DNAH10: variants seen among roughly 807,000 people sequenced by gnomAD.
The protein encoded by DNAH10 is dynein axonemal heavy chain 10, also known as axonemal beta dynein heavy chain 10.
DNAH10 carries 348 observed loss-of-function variants against 506.6 expected under a neutral mutation model. The observed-to-expected ratio is 0.69, with a 90% confidence interval of 0.63 to 0.75. The LOEUF is 0.75. Among genes scored for constraint, DNAH10 ranks in the 30% least tolerant of loss-of-function variants. The pLI is 0.00. For synonymous variants in DNAH10, 2,059 were observed against 2,198.6 expected (o/e 0.94, Z 1.78); for missense variants, 5,179 against 5,787.1 (o/e 0.89, Z 3.41).
At chr12:123,805,177 C>T (rs752612185) in intron 18 of DNAH10, 137 bp downstream of exon 18, 1 of 853,092 alleles carries the variant, frequency 1.2e-6, no homozygotes, top group Non-Finnish European at 1.8e-6. Context: ...CAGAAGGGCA[C>T]TCACAGAATG....
chr12:123,868,075 C>T lies in DNAH10; in HGVS notation c.7475C>T (p.Thr2492Ile). 6.2e-7 allele frequency: 1 copy of T among 1,613,870 alleles called. No individual in the cohort carries two copies. Among genetic ancestry groups the T allele is most frequent in the Non-Finnish European group, 8.5e-7 (1 of 1,179,890 alleles). The change falls in exon 43 of 79, where the codon ACT (threonine) becomes ATT (isoleucine). Residue 2492 changes from threonine to isoleucine, a missense_variant. Thr to Ile is a moderately conservative substitution (Grantham distance 89). Around this residue, in one of 3 missense-constraint regions of DNAH10, gnomAD observed 4,844 missense variants for 5,430.5 expected, o/e 0.89. Transcript: ENST00000673944. ...ATCAAACGCCTTGCTTCTTTGTCTA[C>T]TGTTGACACAGAAGGAGTTTGGGCC... ...EYIKRLASLS[T>I]VDTEGVWANP...
At chr12:123,793,627 T>C (rs934500604) in intron 11 of DNAH10, among the ~76,000 whole-genome samples, 4 of 152,332 alleles carry the variant, frequency 2.6e-5, no homozygotes, top group African/African-American at 7.2e-5. Context: ...TGTGAGGCAC[T>C]GCGCCTGGCC....
intron 1 of DNAH10, among the ~76,000 whole-genome samples, chr12:123,763,876 T>C (rs1200008975): frequency 6.6e-6 from 1 of 150,612 alleles, no homozygotes; most frequent in Non-Finnish European, 1.5e-5. Context: ...CTTCTTTTTT[T>C]TTTTTTTGAG....
Position 123,877,900 on chromosome 12 carries a change from C to T in DNAH10, c.8364C>T (p.Asn2788=), listed in dbSNP as rs749545813. ...TTTTTAATGGTCTTGTCCTCACTAA[C>T]CCGGAGCGGTGAGTTTGATTTATCT... The part of the protein sequence containing the change: ...SRVFNGLVLT[N]PERFQTVAQM... The change falls in exon 48 of 79, where the codon AAC becomes AAT. Residue 2788 remains asparagine, a synonymous_variant. Transcript: ENST00000673944. The T allele has an allele frequency of 6.2e-7, 1 of 1,613,372 alleles. No homozygotes were observed. The highest frequency in any genetic ancestry group is 1.1e-5 in the South Asian group (1 of 90,860).
chr12:123,894,614 C>T (rs1405468074), intron 53 of DNAH10, 29 bp from the exon 54 acceptor site: 2 of 1,602,206 alleles, frequency 1.2e-6, no homozygotes, highest in Admixed American at 3.3e-5. Context: ...AGGCTGGGAG[C>T]ATCTTTTTAA....
intron 13 of DNAH10, among the ~76,000 whole-genome samples, chr12:123,797,402 T>TTTTCTTTTTC (rs1958321298): frequency 6.6e-6 from 1 of 151,840 alleles, no homozygotes; most frequent in Admixed American, 6.6e-5. Flanking sequence ...TTTTCTTTTT[T>TTTTCTTTTTC]TTTTTTTTAA....
intron 15 of DNAH10, 106 bp from the exon 16 acceptor site, chr12:123,801,175 T>C: frequency 8.4e-7 from 1 of 1,185,212 alleles, no homozygotes; most frequent in South Asian, 1.9e-5. Context: ...TTGATCAAGG[T>C]TGGTCTTGAT....
At chr12:123,843,921 A>G (rs995153665) in intron 30 of DNAH10, among the ~76,000 whole-genome samples, 57 of 152,228 alleles carry the variant, frequency 3.7e-4, no homozygotes, top group African/African-American at 1.3e-3. Context: ...GTAGGTCATC[A>G]AGATAATGAC....
Position 123,815,445 on chromosome 12 carries a change from C to T in DNAH10, c.3780+1533C>T, listed in dbSNP as rs1028345986. On this transcript the variant is annotated intron_variant, in intron 21 of 78. Transcript: ENST00000673944. ...GATTATTTTGGATTTTCTAGGCACA[C>T]CATTTTATAAACTGTGAATATTGAC... Among the ~76,000 whole-genome samples, 6 of 152,132 alleles carry T rather than the reference C, an allele frequency of 3.9e-5. No individual in the cohort carries two copies. The Middle Eastern group carries it at 0.014, about 345-fold the overall frequency.
chr12:123,833,183 C>A lies in DNAH10; in HGVS notation c.4615C>A (p.Gln1539Lys), dbSNP rs1287390166. The A allele has an allele frequency of 6.2e-7, 1 of 1,613,424 alleles. No individual in the cohort carries two copies. The highest frequency in any genetic ancestry group is 2.2e-5 in the East Asian group (1 of 44,886). The change falls in exon 27 of 79, where the codon CAG (glutamine) becomes AAG (lysine). Residue 1539 changes from glutamine (Q) to lysine (K), a missense_variant. This residue lies in a region of DNAH10 where 4,844 missense variants were observed against 5,430.5 expected (regional missense o/e 0.89). Transcript: ENST00000673944. The part of the protein sequence containing the change: ...FTVVKYCKGT[Q>K]ERGYILGSVD... ...TGTAGTCAAGTATTGCAAAGGCACACAGGAGCGAGGCTACATCCTGGGTTC... is the reference window on the plus strand; with the variant it reads ...TGTAGTCAAGTATTGCAAAGGCACAAAGGAGCGAGGCTACATCCTGGGTTC...
intron 24 of DNAH10, among the ~76,000 whole-genome samples, chr12:123,824,221 C>T (rs1001136699): frequency 1.3e-5 from 2 of 151,984 alleles, no homozygotes; most frequent in African/African-American, 4.8e-5. Flanking sequence ...AGCAAGAGAA[C>T]AAGGAAGACT....
intron 13 of DNAH10, among the ~76,000 whole-genome samples, chr12:123,798,710 A>G (rs1303161310): frequency 6.8e-6 from 1 of 148,130 alleles, no homozygotes; most frequent in South Asian, 2.1e-4. Context: ...TTAATATTAT[A>G]TAACTATATA....
At chr12:123,910,796 T>G in intron 59 of DNAH10, 124 bp downstream of exon 59, 2 of 1,263,908 alleles carry the variant, frequency 1.6e-6, no homozygotes, top group Admixed American at 2.7e-5. Flanking sequence ...GCATAAACTT[T>G]CCCTCCACCA....
At chr12:123,912,766 C>T (rs896848499) in intron 59 of DNAH10, among the ~76,000 whole-genome samples, 5 of 152,206 alleles carry the variant, frequency 3.3e-5, no homozygotes, top group African/African-American at 1.2e-4. Flanking sequence ...ATTCAGAAAG[C>T]TTGGAACCAA....
chr12:123,844,137 GAA>G (rs1321997194), intron 30 of DNAH10, among the ~76,000 whole-genome samples: 1 of 151,430 alleles, frequency 6.6e-6, no homozygotes, highest in Non-Finnish European at 1.5e-5. Context: ...AAGGTGGCGG[GAA>G]AGAGAGAGAG....
chr12:123,819,313 C>T, intron 23 of DNAH10, 63 bp downstream of exon 23: 1 of 1,310,338 alleles, frequency 7.6e-7, no homozygotes, highest in Non-Finnish European at 1.1e-6. Context: ...GTATGTTTTG[C>T]TTAAGAGTTT....
intron 15 of DNAH10, 28 bp downstream of exon 15, chr12:123,800,416 A>G: frequency 1.2e-6 from 2 of 1,604,852 alleles, no homozygotes; most frequent in Non-Finnish European, 1.7e-6. Flanking sequence ...TTAAATTAGC[A>G]GTAAGCTTTT....
Position 123,861,058 on chromosome 12 carries a change from A to G in DNAH10, c.6796A>G (p.Ser2266Gly). 1.2e-6 allele frequency: 2 copies of G among 1,614,010 alleles called. No homozygotes were observed. Among genetic ancestry groups the G allele is most frequent in the Non-Finnish European group, 1.7e-6 (2 of 1,179,898 alleles). The change falls in exon 39 of 79, where the codon AGT (serine) becomes GGT (glycine). Residue 2266 changes from serine to glycine, a missense_variant. By Grantham distance (56) the Ser-to-Gly change is moderately conservative. This residue lies in a region of DNAH10 where 4,844 missense variants were observed against 5,430.5 expected (regional missense o/e 0.89). Transcript: ENST00000673944. ...KLYILNPKAV[S>G]VIELYGILDP... ...GTACATCCTGAACCCCAAAGCCGTGAGTGTCATAGAACTCTACGGCATCCT... is the reference window on the plus strand; with the variant it reads ...GTACATCCTGAACCCCAAAGCCGTGGGTGTCATAGAACTCTACGGCATCCT...
In DNAH10 at chr12:123,794,042, G is replaced by A. The variant is rs994461813; in HGVS notation, c.1916G>A (p.Arg639His). Residue 639 changes from arginine (R) to histidine (H), a missense_variant, in exon 12 of 79, where the codon CGT (arginine) becomes CAT (histidine). Physicochemically the swap from Arg to His is conservative, Grantham distance 29. Transcript: ENST00000673944. ...FDMLLKFKHI[R>H]SREAVNRQMM... Reference sequence around the variant, plus strand: ...ATGCTTTTAAAATTTAAGCACATTCGTTCACGGGAGGCTGTTAATCGACAA... The same window carrying A: ...ATGCTTTTAAAATTTAAGCACATTCATTCACGGGAGGCTGTTAATCGACAA... The A allele has an allele frequency of 2.3e-6, 3 of 1,286,746 alleles. No homozygotes were observed. The highest frequency in any genetic ancestry group is 2.3e-5 in the Admixed American group (1 of 43,340). 79.7% of individuals were successfully genotyped at this position (1,286,746 alleles called of 1,614,324 possible).
Sources: allele counts gnomAD v4.1 joint callset (sites outside exome capture counted in the v4.1 genomes callset), GRCh38; gene constraint gnomAD v4.1.1; regional missense constraint gnomAD v4.1.1; transcripts MANE v1.5; gene names NCBI Gene and HGNC (gene_info 2026-07-23, HGNC 2026-07-21).